GCNT1: variants seen among roughly 807,000 people sequenced by gnomAD.
The protein encoded by GCNT1 is glucosaminyl (N-acetyl) transferase 1.
Under a neutral mutation model 26.2 loss-of-function variants are expected in GCNT1, and 16 were observed. The observed-to-expected ratio is 0.61, with a 90% confidence interval of 0.41 to 0.93. The LOEUF is 0.93. Among genes scored for constraint, GCNT1 ranks in the 40% least tolerant of loss-of-function variants. The pLI is 0.00. For synonymous variants in GCNT1, 183 were observed against 190.8 expected, an observed-to-expected ratio of 0.96 and a Z score of 0.34; for missense variants, 477 against 526.7, an observed-to-expected ratio of 0.91 and a Z score of 0.92.
the GCNT1 span, among the ~76,000 whole-genome samples, chr9:76,396,770 G>A: frequency 1.3e-5 from 2 of 152,178 alleles, no homozygotes; most frequent in African/African-American, 2.4e-5. Context: ...CGAACCTGGC[G>A]GCAGTTGCAG....
At chr9:76,447,618 T>C (rs1823598055) in intron 1 of GCNT1, among the ~76,000 whole-genome samples, 1 of 152,212 alleles carries the variant, frequency 6.6e-6, no homozygotes, top group African/African-American at 2.4e-5. Flanking sequence ...ACCCTATTTC[T>C]TAACTTTTTT....
At chr9:76,402,205 C>T in the GCNT1 span, among the ~76,000 whole-genome samples, 1 of 152,152 alleles carries the variant, frequency 6.6e-6, no homozygotes. Flanking sequence ...TCTGCTTCCT[C>T]CCACTTGCTC....
the GCNT1 span, chr9:76,393,937 C>T: frequency 8.6e-6 from 6 of 697,702 alleles, no homozygotes; most frequent in Non-Finnish European, 9.1e-6. Flanking sequence ...GCCAACGGTC[C>T]TCCGCCACAG....
rs139667216 is a variant in GCNT1, at chr9:76,425,999, T to C, written n.38+6112T>C. 2.6e-3 allele frequency among the ~76,000 whole-genome samples: 402 copies of C among 152,234 alleles called. 1 individual carries two copies. Among genetic ancestry groups the C allele is most frequent in the African/African-American group, 9.3e-3 (388 of 41,522 alleles). ...GTGATATTGCCTACCCAGGAGCAAT[T>C]TGGGGAGGGTCAGAATCTTGTAGCC... On this transcript the variant is annotated intron_variant and non_coding_transcript_variant, in intron 1 of 3. Coordinates refer to the GCNT1 transcript ENST00000488136.
intron 1 of GCNT1, among the ~76,000 whole-genome samples, chr9:76,449,566 G>A (rs1042164391): frequency 3.3e-5 from 5 of 152,020 alleles, no homozygotes; most frequent in African/African-American, 1.2e-4. Flanking sequence ...CACTAAACAA[G>A]CCTTAATTAC....
chr9:76,492,440 CT>C (rs1824769160), intron 2 of GCNT1, among the ~76,000 whole-genome samples: 1 of 151,934 alleles, frequency 6.6e-6, no homozygotes. Context: ...GGTAAGGGAC[CT>C]TGAGGACAGC....
intron 3 of GCNT1, 46 bp from the exon 4 acceptor site, chr9:76,502,192 TA>T (rs1825092930): frequency 1.0e-5 from 2 of 197,352 alleles, no homozygotes; most frequent in Admixed American, 5.9e-5. Context: ...TATATATATA[TA>T]TATATATATA....
chr9:76,472,240 AC>A (rs1824146750), intron 2 of GCNT1, among the ~76,000 whole-genome samples: 1 of 152,146 alleles, frequency 6.6e-6, no homozygotes, highest in Non-Finnish European at 1.5e-5. Context: ...TCAAGATCGC[AC>A]CTCTGTACTT....
intron 2 of GCNT1, among the ~76,000 whole-genome samples, chr9:76,469,467 A>T (rs998584451): frequency 3.3e-5 from 5 of 152,214 alleles, no homozygotes; most frequent in Admixed American, 2.6e-4. Flanking sequence ...ACATAAACCC[A>T]GGCATTCCAG....
chr9:76,424,906 A>C (rs1823240436), intron 1 of GCNT1, among the ~76,000 whole-genome samples: 1 of 152,108 alleles, frequency 6.6e-6, no homozygotes, highest in African/African-American at 2.4e-5. Flanking sequence ...TTGGGAGGCC[A>C]AGGCAGGTGG....
At chr9:76,396,183 T>A in the GCNT1 span, among the ~76,000 whole-genome samples, 1 of 152,208 alleles carries the variant, frequency 6.6e-6, no homozygotes, top group Non-Finnish European at 1.5e-5. Flanking sequence ...ATTAAATGAA[T>A]CATAGGAGGT....
At chr9:76,479,447 C>G (rs1824356324) in intron 2 of GCNT1, among the ~76,000 whole-genome samples, 1 of 152,208 alleles carries the variant, frequency 6.6e-6, no homozygotes, top group Non-Finnish European at 1.5e-5. Context: ...CTGTCTTCCA[C>G]AATGGTTGAA....
At chr9:76,423,114 C>T (rs1823219648) in intron 1 of GCNT1, among the ~76,000 whole-genome samples, 1 of 152,184 alleles carries the variant, frequency 6.6e-6, no homozygotes. Context: ...TGAGAAATAT[C>T]TATACTTTTC....
chr9:76,482,755 C>T (rs1824455226), intron 2 of GCNT1, among the ~76,000 whole-genome samples: 1 of 151,952 alleles, frequency 6.6e-6, no homozygotes, highest in Admixed American at 6.5e-5. Context: ...GGTGATCCTC[C>T]CACCTCAGCC....
chr9:76,410,244 C>T, the GCNT1 span, among the ~76,000 whole-genome samples: 11 of 151,992 alleles, frequency 7.2e-5, no homozygotes, highest in Non-Finnish European at 1.2e-4. Flanking sequence ...CCAGCCTGAC[C>T]GACATGATGA....
chr9:76,396,316 A>G, the GCNT1 span, among the ~76,000 whole-genome samples: 2 of 152,212 alleles, frequency 1.3e-5, no homozygotes, highest in Admixed American at 6.5e-5. Context: ...TGGGCGGGGC[A>G]TGGTGGCTTA....
the GCNT1 span, among the ~76,000 whole-genome samples, chr9:76,411,076 G>A: frequency 6.6e-6 from 1 of 152,026 alleles, no homozygotes; most frequent in African/African-American, 2.4e-5. Context: ...ATCTATATAT[G>A]TCTTTACATT....
intron 1 of GCNT1, among the ~76,000 whole-genome samples, chr9:76,443,898 A>G (rs898867425): frequency 8.2e-4 from 42 of 51,186 alleles, no homozygotes; most frequent in East Asian, 7.6e-3. Flanking sequence ...AGAAAGAAAG[A>G]AAGGAAGAAA....
In GCNT1 at chr9:76,496,364, C is replaced by G. The variant is rs1246024696; in HGVS notation, c.-289-4552C>G. Among the ~76,000 whole-genome samples the G allele has an allele frequency of 2.6e-5, 4 of 152,234 alleles. No homozygotes were observed. In the East Asian group the frequency reaches 7.7e-4, roughly 29 times the overall value. On this transcript the variant is annotated intron_variant, in intron 2 of 3. Coordinates refer to ENST00000376730, the MANE Select transcript of GCNT1 (RefSeq NM_001490.5). The stretch of plus-strand genomic sequence containing the variant: ...GGGATCCGTGCAACCAGCACCAGTT[C>G]CTGCACCCTTTGAAGATCCTGCAGT...
Sources: allele counts gnomAD v4.1 joint callset (sites outside exome capture counted in the v4.1 genomes callset), GRCh38; gene constraint gnomAD v4.1.1; transcripts MANE v1.5; gene names NCBI Gene and HGNC (gene_info 2026-07-23, HGNC 2026-07-21).